Variants in CPNE8 observed in about 807,000 individuals in gnomAD.
CPNE8 encodes the protein copine-8.
A neutral mutation model predicts 81.5 loss-of-function variants in CPNE8; 45 were observed. The ratio of observed to expected loss-of-function variants is 0.55; its 90% CI spans 0.44 to 0.71. The LOEUF (loss-of-function observed/expected upper bound fraction) is 0.71, where lower values mean the gene tolerates loss of function less well. Ranked by LOEUF, CPNE8 falls within the 30% of genes least tolerant of loss-of-function variation. The probability of loss-of-function intolerance (pLI) is 0.00; values close to 1 mark genes in which losing one functional copy is unlikely to be tolerated. For missense variants in CPNE8, 594 were observed against 672.1 expected, an observed-to-expected ratio of 0.88 and a Z score of 1.28; for synonymous variants, 252 against 226.3, an observed-to-expected ratio of 1.11 and a Z score of -1.02.
intron 10 of CPNE8, among the ~76,000 whole-genome samples, chr12:38,738,766 CA>C (rs1941011558): frequency 6.6e-6 from 1 of 151,016 alleles, no homozygotes; most frequent in African/African-American, 2.4e-5. Context: ...ACTCTTACAT[CA>C]TTACTTTTCT....
intron 6 of CPNE8, among the ~76,000 whole-genome samples, chr12:38,795,427 T>G (rs954569755): frequency 6.6e-6 from 1 of 152,160 alleles, no homozygotes; most frequent in Non-Finnish European, 1.5e-5. Context: ...TGCACACCTA[T>G]GTTAATAGCG....
At chr12:38,856,323 T>C (rs2137071701) in intron 3 of CPNE8, among the ~76,000 whole-genome samples, 1 of 152,106 alleles carries the variant, frequency 6.6e-6, no homozygotes, top group East Asian at 1.9e-4. Context: ...TCCCAAAATA[T>C]TAAGAAAAAG....
intron 1 of CPNE8, among the ~76,000 whole-genome samples, chr12:38,886,862 A>C (rs1363019138): frequency 6.6e-6 from 1 of 152,188 alleles, no homozygotes; most frequent in East Asian, 1.9e-4. Context: ...ACCCAGATTC[A>C]GAGACAAAGA....
intron 18 of CPNE8, among the ~76,000 whole-genome samples, chr12:38,671,798 C>G (rs886888474): frequency 1.3e-5 from 2 of 151,918 alleles, no homozygotes; most frequent in Non-Finnish European, 2.9e-5. Context: ...TCAATTTTAC[C>G]TTTCTACACA....
chr12:38,664,694 A>G (rs1449181152), intron 19 of CPNE8, among the ~76,000 whole-genome samples: 1 of 152,174 alleles, frequency 6.6e-6, no homozygotes, highest in Non-Finnish European at 1.5e-5. Context: ...AAGGCTCATA[A>G]TCATCACTGT....
intron 5 of CPNE8, among the ~76,000 whole-genome samples, chr12:38,838,571 T>C (rs182124629): frequency 6.6e-6 from 1 of 152,304 alleles, no homozygotes; most frequent in East Asian, 1.9e-4. Flanking sequence ...AAACTTCCAA[T>C]ATAAAGCTAT....
chr12:38,707,026 G>A (rs909654269), intron 13 of CPNE8, among the ~76,000 whole-genome samples: 1 of 152,140 alleles, frequency 6.6e-6, no homozygotes, highest in Non-Finnish European at 1.5e-5. Context: ...AAGAAGAAGA[G>A]AGCAGAGGAC....
intron 1 of CPNE8, among the ~76,000 whole-genome samples, chr12:38,896,211 T>C (rs547655633): frequency 2.0e-5 from 3 of 152,256 alleles, no homozygotes; most frequent in Admixed American, 2.0e-4. Flanking sequence ...TGATATTTTG[T>C]TTCTTCAGAG....
In CPNE8 at chr12:38,716,070, T is replaced by C. The variant is rs1020126773; in HGVS notation, c.914+7702A>G. Among the ~76,000 whole-genome samples the C allele has an allele frequency of 5.9e-5, 9 of 151,474 alleles. No homozygotes were observed. In the East Asian group the frequency reaches 1.7e-3, roughly 29 times the overall value. ...GCTGCAAAAAAGAAAGAAAAGAAAA[T>C]ACCTAGGAATATGCTTCAGCAAGGA... On this transcript the variant is annotated intron_variant, in intron 13 of 19. Transcript: ENST00000331366.
chr12:38,899,091 G>A (rs965808458), intron 1 of CPNE8, among the ~76,000 whole-genome samples: 2 of 152,132 alleles, frequency 1.3e-5, no homozygotes, highest in Non-Finnish European at 2.9e-5. Flanking sequence ...TTCCAGTAGA[G>A]AAGGAAGACC....
At chr12:38,803,409 CAT>C (rs1942735030) in intron 6 of CPNE8, among the ~76,000 whole-genome samples, 1 of 149,930 alleles carries the variant, frequency 6.7e-6, no homozygotes, top group South Asian at 2.2e-4. Context: ...ACAAAAACCA[CAT>C]GATTATCTCA....
chr12:38,704,580 G>A (rs1940039289), intron 13 of CPNE8, among the ~76,000 whole-genome samples: 2 of 151,708 alleles, frequency 1.3e-5, no homozygotes, highest in South Asian at 2.1e-4. Context: ...CTATTTTACT[G>A]TGTTCTGAAC....
At chr12:38,717,498 T>C (rs1940435204) in intron 13 of CPNE8, among the ~76,000 whole-genome samples, 1 of 130,802 alleles carries the variant, frequency 7.6e-6, no homozygotes, top group African/African-American at 2.9e-5. Flanking sequence ...AGGAACAAAA[T>C]AATGTCTTTT....
rs78050062 is a variant in CPNE8, at chr12:38,823,317, T to C, written c.407+6062A>G. On this transcript the variant is annotated intron_variant, in intron 6 of 19. Coordinates refer to ENST00000331366, the MANE Select transcript of CPNE8 (RefSeq NM_153634.3). ...CTGTCCTTGAACCCTAAGTCACAAT[T>C]GAGATCCCCACATCTATCAGACAAT... is the stretch of plus-strand genomic sequence containing the variant. Among the ~76,000 whole-genome samples the C allele has an allele frequency of 9.4e-3, 1,422 of 151,660 alleles. 30 individuals carry two copies. The highest frequency in any genetic ancestry group is 0.032 in the African/African-American group (1,312 of 41,006).
chr12:38,784,325 A>C (rs1942124276), intron 6 of CPNE8, among the ~76,000 whole-genome samples: 1 of 152,210 alleles, frequency 6.6e-6, no homozygotes, highest in African/African-American at 2.4e-5. Flanking sequence ...CAGAGAAGAC[A>C]AAAGAAAAAA....
intron 6 of CPNE8, among the ~76,000 whole-genome samples, chr12:38,790,721 T>C (rs1411044528): frequency 1.3e-5 from 2 of 151,624 alleles, no homozygotes; most frequent in African/African-American, 4.8e-5. Flanking sequence ...CTTAAATATA[T>C]ATACCACTAT....
intron 1 of CPNE8, among the ~76,000 whole-genome samples, chr12:38,882,200 A>G (rs1944169820): frequency 6.6e-6 from 1 of 152,222 alleles, no homozygotes; most frequent in Non-Finnish European, 1.5e-5. Flanking sequence ...TCAATCACAT[A>G]TATCATATAT....
intron 14 of CPNE8, among the ~76,000 whole-genome samples, chr12:38,696,618 C>A (rs1939804286): frequency 6.6e-6 from 1 of 151,870 alleles, no homozygotes; most frequent in African/African-American, 2.4e-5. Context: ...TTTGTTATAC[C>A]CAATATTATC....
intron 6 of CPNE8, among the ~76,000 whole-genome samples, chr12:38,803,554 C>A (rs1218251450): frequency 1.5e-5 from 2 of 135,288 alleles, no homozygotes; most frequent in African/African-American, 5.3e-5. Flanking sequence ...CAATATCATA[C>A]TGAATGGGCA....
Sources: allele counts gnomAD v4.1 joint callset (sites outside exome capture counted in the v4.1 genomes callset), GRCh38; gene constraint gnomAD v4.1.1; transcripts MANE v1.5; gene names NCBI Gene and HGNC (gene_info 2026-07-23, HGNC 2026-07-21).